Variants in TIAM1 observed in about 807,000 individuals in gnomAD.
TIAM1 encodes TIAM Rac1 associated GEF 1.
TIAM1 carries 65 observed loss-of-function variants against 163.5 expected under a neutral mutation model. That is an observed-to-expected ratio of 0.40 (90% CI 0.33 to 0.49). The LOEUF (loss-of-function observed/expected upper bound fraction) is 0.49. TIAM1 is among the 20% of genes least tolerant of loss of function. TIAM1 has a pLI of 0.77. For synonymous variants in TIAM1, 833 were observed against 810.1 expected (o/e 1.03, Z -0.48); for missense variants, 1,789 against 2,044.7 (o/e 0.87, Z 2.41).
intron 7 of TIAM1, 25 bp from the exon 8 acceptor site, chr21:31,223,616 AG>A: frequency 6.4e-7 from 1 of 1,565,596 alleles, no homozygotes; most frequent in Non-Finnish European, 8.7e-7. Context: ...ACACGGGAAA[AG>A]AAAAAGTGAG....
intron 1 of TIAM1, among the ~76,000 whole-genome samples, chr21:31,542,463 T>G (rs1473370023): frequency 6.6e-6 from 1 of 151,556 alleles, no homozygotes; most frequent in Non-Finnish European, 1.5e-5. Context: ...GGTACAGCAT[T>G]GTGGGATCAT....
chr21:31,243,192 C>A (rs1165102564), intron 6 of TIAM1, among the ~76,000 whole-genome samples: 12 of 100,934 alleles, frequency 1.2e-4, no homozygotes, highest in East Asian at 2.7e-4. Context: ...AACTTCATCT[C>A]AAAAAAAAAA....
At chr21:31,316,147 G>C (rs753603827) in intron 2 of TIAM1, among the ~76,000 whole-genome samples, 1 of 152,166 alleles carries the variant, frequency 6.6e-6, no homozygotes, top group Non-Finnish European at 1.5e-5. Context: ...AAAGGAGGAA[G>C]TTAAATGAGA....
At chr21:31,325,561 G>A (rs369668392) in intron 2 of TIAM1, among the ~76,000 whole-genome samples, 2 of 151,586 alleles carry the variant, frequency 1.3e-5, no homozygotes, top group Non-Finnish European at 1.5e-5. Context: ...CCAGCTACTC[G>A]GGAAGCTGAG....
At chr21:31,207,465 G>C (rs768397355) in intron 11 of TIAM1, among the ~76,000 whole-genome samples, 1 of 151,812 alleles carries the variant, frequency 6.6e-6, no homozygotes, top group Non-Finnish European at 1.5e-5. Flanking sequence ...CAAAAGACAG[G>C]CATTTTTACA....
rs150618330 is a variant in TIAM1, at chr21:31,173,201, T to C, written c.2888-8136A>G. 4.3e-3 allele frequency among the ~76,000 whole-genome samples: 661 copies of C among 152,206 alleles called. 7 individuals are homozygous for C. The highest frequency in any genetic ancestry group is 0.015 in the African/African-American group (640 of 41,528). On this transcript the variant is annotated intron_variant, in intron 15 of 27. Coordinates refer to ENST00000541036, the MANE Select transcript of TIAM1 (RefSeq NM_001353694.2). Reference sequence around the variant, plus strand: ...CTGGCCTCGTGAGATGTCTTAACAATGTGCTCTAAGCAGACCCTCCAATTC... The same window carrying C: ...CTGGCCTCGTGAGATGTCTTAACAACGTGCTCTAAGCAGACCCTCCAATTC...
Position 31,119,494 on chromosome 21 carries a change from G to A in TIAM1, c.*874C>T, listed in dbSNP as rs1241979925. 6.6e-6 allele frequency: 1 copy of A among 151,938 alleles called. No homozygotes were observed. The highest frequency in any genetic ancestry group is 2.4e-5 in the African/African-American group (1 of 41,228). The allele number at this position is 151,938 out of a possible 1,614,324, so 9.4% of individuals were successfully genotyped here. A position where few individuals can be genotyped will look rare whatever the true frequency, so the allele number is the denominator to read the frequency against. ...TTAAAAAAAAAAAATCCGCTTTTTG[G>A]AAGAAAAGTATATCCTTCGCATGAG... On this transcript the variant is annotated 3_prime_UTR_variant, in exon 28 of 28. Transcript: ENST00000541036.
chr21:31,532,806 G>A (rs116209214), intron 1 of TIAM1, among the ~76,000 whole-genome samples: 149 of 152,248 alleles, frequency 9.8e-4, no homozygotes, highest in Middle Eastern at 3.4e-3. Flanking sequence ...AAATTAGCCC[G>A]TGTGGTGGCG....
At chr21:31,364,442 G>A (rs887742020) in intron 2 of TIAM1, among the ~76,000 whole-genome samples, 1 of 152,152 alleles carries the variant, frequency 6.6e-6, no homozygotes, top group Admixed American at 6.5e-5. Flanking sequence ...TCAAGCCTCC[G>A]CAGAGGGAGC....
intron 8 of TIAM1, among the ~76,000 whole-genome samples, chr21:31,218,581 G>A (rs1040271661): frequency 7.3e-5 from 11 of 151,216 alleles, no homozygotes; most frequent in Non-Finnish European, 1.0e-4. Context: ...AAAAAAAAGC[G>A]GGGGGTGGGG....
chr21:31,472,574 A>G (rs1335161515), intron 1 of TIAM1, among the ~76,000 whole-genome samples: 2 of 152,162 alleles, frequency 1.3e-5, no homozygotes, highest in African/African-American at 4.8e-5. Context: ...CAATAACTCA[A>G]TAGATGCTGG....
intron 2 of TIAM1, among the ~76,000 whole-genome samples, chr21:31,431,672 C>T (rs868719537): frequency 1.3e-5 from 2 of 152,236 alleles, no homozygotes; most frequent in African/African-American, 4.8e-5. Context: ...CGTCACTTTA[C>T]GAACACTAGA....
At chr21:31,490,974 A>G (rs745595753) in intron 1 of TIAM1, among the ~76,000 whole-genome samples, 2 of 152,002 alleles carry the variant, frequency 1.3e-5, no homozygotes, top group African/African-American at 2.4e-5. Context: ...AAAATACAAA[A>G]ATTAGCCGGG....
chr21:31,155,878 C>G (rs889283773), intron 16 of TIAM1, among the ~76,000 whole-genome samples: 6 of 152,186 alleles, frequency 3.9e-5, no homozygotes, highest in African/African-American at 1.4e-4. Flanking sequence ...CAACTCTAGG[C>G]ACAAAGCATT....
intron 6 of TIAM1, among the ~76,000 whole-genome samples, chr21:31,232,989 A>T (rs1221684507): frequency 6.6e-6 from 1 of 152,252 alleles, no homozygotes; most frequent in Non-Finnish European, 1.5e-5. Flanking sequence ...TGCATTTTGC[A>T]TAACAGCCCC....
chr21:31,494,004 T>C (rs2046561262), intron 1 of TIAM1, among the ~76,000 whole-genome samples: 1 of 152,128 alleles, frequency 6.6e-6, no homozygotes, highest in Non-Finnish European at 1.5e-5. Flanking sequence ...AACCTCCACC[T>C]CCCAGGTTCA....
intron 2 of TIAM1, among the ~76,000 whole-genome samples, chr21:31,300,638 C>T (rs2074461126): frequency 1.3e-5 from 2 of 152,226 alleles, no homozygotes; most frequent in African/African-American, 4.8e-5. Context: ...CACATCTTTA[C>T]TACAAGTTTT....
In TIAM1 at chr21:31,146,449, G is replaced by A. The variant is rs183453394; in HGVS notation, c.3475+446C>T. Among the ~76,000 whole-genome samples, 944 of 144,820 alleles carry A rather than the reference G, an allele frequency of 6.5e-3. 9 individuals are homozygous for A. Among genetic ancestry groups the A allele is most frequent in the African/African-American group, 0.023 (900 of 38,852 alleles). Reference sequence around the variant, plus strand: ...AACAAGGCAGGGAGCAGTGGCTCACGCCTGTAATCCCAGCACTTTGGGAGG... The same window carrying A: ...AACAAGGCAGGGAGCAGTGGCTCACACCTGTAATCCCAGCACTTTGGGAGG... On this transcript the variant is annotated intron_variant, in intron 20 of 27. Transcript: ENST00000541036.
intron 1 of TIAM1, among the ~76,000 whole-genome samples, chr21:31,466,048 C>T (rs759709885): frequency 6.6e-6 from 1 of 152,170 alleles, no homozygotes; most frequent in Non-Finnish European, 1.5e-5. Context: ...AACTAGAGGT[C>T]CTTGAGGATC....
Sources: gnomAD v4.1 joint callset for allele counts (sites outside exome capture counted in the v4.1 genomes callset) on GRCh38, gnomAD v4.1.1 for gene constraint, MANE v1.5 for transcripts, NCBI Gene and HGNC (gene_info 2026-07-23, HGNC 2026-07-21) for gene names.